Variants in CAMK1D observed in about 807,000 individuals in gnomAD.
CAMK1D encodes calcium/calmodulin dependent protein kinase ID.
In CAMK1D, 9 loss-of-function variants were observed where a neutral mutation model predicts 47.7. That is an observed-to-expected ratio of 0.19 (90% CI 0.11 to 0.33). The LOEUF is 0.33. Among genes scored for constraint, CAMK1D ranks in the 10% least tolerant of loss-of-function variants. The pLI, the probability that CAMK1D is intolerant of heterozygous loss-of-function variation, is 1.00. For missense variants in CAMK1D, 291 were observed against 488.7 expected, an observed-to-expected ratio of 0.60 and a Z score of 3.81; for synonymous variants, 184 against 184.9, an observed-to-expected ratio of 0.99 and a Z score of 0.04.
chr10:12,573,357 G>A (rs1304002302), intron 2 of CAMK1D, among the ~76,000 whole-genome samples: 3 of 135,924 alleles, frequency 2.2e-5, no homozygotes, highest in Middle Eastern at 3.5e-3. Context: ...GCTTTTTATC[G>A]TCATGCAGAG....
intron 2 of CAMK1D, among the ~76,000 whole-genome samples, chr10:12,594,498 C>T (rs752121571): frequency 1.2e-4 from 19 of 152,172 alleles, no homozygotes; most frequent in Non-Finnish European, 2.4e-4. Flanking sequence ...TGTCAGCACT[C>T]GGCCTCCACC....
chr10:12,729,632 AAAT>A (rs1367771145), intron 3 of CAMK1D, among the ~76,000 whole-genome samples: 1 of 152,180 alleles, frequency 6.6e-6, no homozygotes, highest in Non-Finnish European at 1.5e-5. Context: ...CTGTCTCAAA[AAAT>A]AATAATTTGT....
At position 12,373,956 on chromosome 10, in the gene CAMK1D, C is replaced by CAAAA. The variant is rs35008954; in HGVS notation, c.92+24064_92+24067dup. On this transcript the variant is annotated intron_variant, in intron 1 of 10. Transcript: ENST00000619168. ...TGGGCAAGACAGCGACACTCTTTAT[C>CAAAA]AAAAAAAAAAAAAAAAAAAAAGTCC... Among the ~76,000 whole-genome samples, 69 of 86,086 alleles carry CAAAA rather than the reference C, an allele frequency of 8.0e-4. 1 individual carries two copies. The highest frequency in any genetic ancestry group is 3.8e-3 in the South Asian group (9 of 2,374). 56.5% of individuals were successfully genotyped at this position (86,086 alleles called of 152,430 possible).
chr10:12,582,911 G>T (rs1448715717), intron 2 of CAMK1D, among the ~76,000 whole-genome samples: 1 of 152,186 alleles, frequency 6.6e-6, no homozygotes, highest in South Asian at 2.1e-4. Context: ...AGTCCAGGAC[G>T]CAGAAGTCCT....
At position 12,395,160 on chromosome 10, in the gene CAMK1D, C is replaced by G. The variant is rs935584990; in HGVS notation, c.92+45250C>G. Among the ~76,000 whole-genome samples the G allele has an allele frequency of 2.0e-5, 3 of 146,790 alleles. No homozygotes were observed. In the East Asian group the frequency reaches 6.0e-4, roughly 29 times the overall value. On this transcript the variant is annotated intron_variant, in intron 1 of 10. Coordinates refer to ENST00000619168, the MANE Select transcript of CAMK1D (RefSeq NM_153498.4). Reference sequence around the variant, plus strand: ...GATCATAGCTAACTGCAGCCTCCAACTCCTGGGTTCAAGCAGTCCTCCCAC... The same window carrying G: ...GATCATAGCTAACTGCAGCCTCCAAGTCCTGGGTTCAAGCAGTCCTCCCAC...
chr10:12,725,972 G>C (rs1434086503), intron 3 of CAMK1D, among the ~76,000 whole-genome samples: 1 of 151,946 alleles, frequency 6.6e-6, no homozygotes. Context: ...GGCCAGGCTG[G>C]TTTCAAACTC....
At chr10:12,420,632 C>T (rs112029430) in intron 1 of CAMK1D, among the ~76,000 whole-genome samples, 1 of 152,050 alleles carries the variant, frequency 6.6e-6, no homozygotes, top group Non-Finnish European at 1.5e-5. Context: ...ATATTTCTAA[C>T]AGCCTCTGTC....
Position 12,376,162 on chromosome 10 carries a change from C to CAAAAA in CAMK1D, c.92+26273_92+26277dup, listed in dbSNP as rs59804213. Among the ~76,000 whole-genome samples the CAAAAA allele has an allele frequency of 3.0e-4, 18 of 59,994 alleles. No homozygotes were observed. The South Asian group carries it at 7.5e-3, about 25-fold the overall frequency. 39.4% of individuals were successfully genotyped at this position (59,994 alleles called of 152,430 possible). On this transcript the variant is annotated intron_variant, in intron 1 of 10. Transcript: ENST00000619168. ...TGGGTGACAGAGGGAGACTCTGTCCCAAAAAAAAAAAAAAAAAAAAAAAAA... is the reference window on the plus strand; with the variant it reads ...TGGGTGACAGAGGGAGACTCTGTCCCAAAAAAAAAAAAAAAAAAAAAAAAAAAAAA...
intron 1 of CAMK1D, among the ~76,000 whole-genome samples, chr10:12,484,545 C>G (rs1344372665): frequency 6.6e-6 from 1 of 152,186 alleles, no homozygotes; most frequent in African/African-American, 2.4e-5. Context: ...CCAGCCAAGT[C>G]AGGGAGCCAC....
intron 1 of CAMK1D, among the ~76,000 whole-genome samples, chr10:12,441,334 A>G (rs1441107551): frequency 1.3e-5 from 2 of 152,014 alleles, no homozygotes; most frequent in African/African-American, 2.4e-5. Flanking sequence ...GGTAGCTGGG[A>G]CTACAGGCAT....
At chr10:12,716,464 G>A (rs1324329387) in intron 3 of CAMK1D, among the ~76,000 whole-genome samples, 2 of 152,300 alleles carry the variant, frequency 1.3e-5, no homozygotes, top group Non-Finnish European at 2.9e-5. Flanking sequence ...AGTGTTGTAC[G>A]TGTTGAGCCA....
chr10:12,434,858 C>G (rs1332900082), intron 1 of CAMK1D, among the ~76,000 whole-genome samples: 1 of 152,176 alleles, frequency 6.6e-6, no homozygotes, highest in African/African-American at 2.4e-5. Flanking sequence ...AAGGCTGGCC[C>G]TTGGGCATGA....
intron 2 of CAMK1D, among the ~76,000 whole-genome samples, chr10:12,640,108 G>C (rs566898250): frequency 6.6e-6 from 1 of 152,110 alleles, no homozygotes; most frequent in Non-Finnish European, 1.5e-5. Context: ...CCTTCCTCTC[G>C]AAGAATCAGC....
chr10:12,605,460 T>C (rs1564440713), intron 2 of CAMK1D, among the ~76,000 whole-genome samples: 1 of 151,936 alleles, frequency 6.6e-6, no homozygotes, highest in Non-Finnish European at 1.5e-5. Context: ...CCGTGCCATC[T>C]TCCAAAAGCA....
chr10:12,773,410 G>A (rs2130942047), intron 5 of CAMK1D, among the ~76,000 whole-genome samples: 1 of 152,278 alleles, frequency 6.6e-6, no homozygotes, highest in East Asian at 1.9e-4. Flanking sequence ...CCTAGGCGTG[G>A]CCTCTGTGTA....
intron 2 of CAMK1D, among the ~76,000 whole-genome samples, chr10:12,618,469 G>A (rs745868388): frequency 3.3e-5 from 5 of 152,132 alleles, no homozygotes; most frequent in Non-Finnish European, 7.3e-5. Flanking sequence ...TGACTGAACC[G>A]TCTTGCACTT....
chr10:12,735,432 T>C (rs559540086), intron 3 of CAMK1D, among the ~76,000 whole-genome samples: 6 of 152,168 alleles, frequency 3.9e-5, no homozygotes, highest in Middle Eastern at 3.4e-3. Flanking sequence ...GAGCCGAGAT[T>C]GCGCCACTGC....
At chr10:12,765,559 A>G (rs1291149841) in intron 4 of CAMK1D, among the ~76,000 whole-genome samples, 1 of 152,224 alleles carries the variant, frequency 6.6e-6, no homozygotes, top group Non-Finnish European at 1.5e-5. Flanking sequence ...ATCCTGCTGA[A>G]TCAGTTGAGC....
intron 1 of CAMK1D, among the ~76,000 whole-genome samples, chr10:12,449,280 A>C (rs1212089398): frequency 6.6e-6 from 1 of 152,094 alleles, no homozygotes; most frequent in Non-Finnish European, 1.5e-5. Flanking sequence ...CTGAGTGGGC[A>C]GGGTCCGTGT....
Sources: allele counts gnomAD v4.1 joint callset (sites outside exome capture counted in the v4.1 genomes callset), GRCh38; gene constraint gnomAD v4.1.1; transcripts MANE v1.5; gene names NCBI Gene and HGNC (gene_info 2026-07-23, HGNC 2026-07-21).